VPS13A: variants seen among roughly 807,000 people sequenced by gnomAD.
VPS13A encodes vacuolar protein sorting 13 homolog A, also known as intermembrane lipid transfer protein VPS13A.
A neutral mutation model predicts 390.9 loss-of-function variants in VPS13A; 264 were observed. That is an observed-to-expected ratio of 0.68 (90% CI 0.61 to 0.75). The LOEUF is 0.75. VPS13A is among the 30% of genes least tolerant of loss of function. The pLI is 0.00. For missense variants in VPS13A, 3,409 were observed against 3,733.9 expected, an observed-to-expected ratio of 0.91 and a Z score of 2.27; for synonymous variants, 1,231 against 1,227.1, an observed-to-expected ratio of 1.00 and a Z score of -0.07.
chr9:77,191,452 C>T (rs966827212), intron 1 of VPS13A, among the ~76,000 whole-genome samples: 6 of 151,934 alleles, frequency 3.9e-5, no homozygotes, highest in Admixed American at 3.3e-4. Flanking sequence ...TGCACTCCTA[C>T]ACCTGGCTAA....
At chr9:77,258,244 A>C (rs1176583227) in intron 22 of VPS13A, among the ~76,000 whole-genome samples, 1 of 152,180 alleles carries the variant, frequency 6.6e-6, no homozygotes, top group Non-Finnish European at 1.5e-5. Context: ...CTCATCTAAC[A>C]TCTACCAAAC....
intron 23 of VPS13A, among the ~76,000 whole-genome samples, chr9:77,261,183 A>G (rs12339699): frequency 0.56 from 85,632 of 151,898 alleles, 24,402 homozygotes; most frequent in East Asian, 0.7. Flanking sequence ...ACAGGCGTGA[A>G]CCACCGTGCC....
chr9:77,338,593 T>A (rs1357584329), intron 47 of VPS13A: 1 of 152,142 alleles, frequency 6.6e-6, no homozygotes, highest in East Asian at 1.9e-4. Flanking sequence ...AGACACAGGG[T>A]TGCCATTTAT....
intron 1 of VPS13A, among the ~76,000 whole-genome samples, chr9:77,184,023 C>T (rs922427454): frequency 6.6e-6 from 1 of 152,224 alleles, no homozygotes; most frequent in Non-Finnish European, 1.5e-5. Context: ...CTAAATACTT[C>T]AGCATGTGTA....
intron 1 of VPS13A, among the ~76,000 whole-genome samples, chr9:77,181,815 C>G (rs1302609446): frequency 6.6e-6 from 1 of 152,076 alleles, no homozygotes; most frequent in Non-Finnish European, 1.5e-5. Context: ...TTTCCAAAAA[C>G]CTGTTTAACT....
Position 77,339,806 on chromosome 9 carries a change from C to T in VPS13A, c.6669C>T (p.Arg2223=), listed in dbSNP as rs766266342. The T allele has an allele frequency of 1.2e-6, 2 of 1,613,930 alleles. No individual in the cohort carries two copies. Among genetic ancestry groups the T allele is most frequent in the Non-Finnish European group, 1.7e-6 (2 of 1,179,988 alleles). Residue 2223 remains arginine (R), a synonymous_variant, in exon 48 of 72, where the codon CGC becomes CGT. Transcript: ENST00000360280. ...SPYWMVNKTG[R]MLQYKADGIH... ...ATTGGATGGTCAATAAAACTGGCCG[C>T]ATGTTACAGTACAAAGCAGACGGAA...
intron 46 of VPS13A, among the ~76,000 whole-genome samples, chr9:77,335,845 A>G (rs1046309323): frequency 1.3e-5 from 2 of 152,218 alleles, no homozygotes; most frequent in Non-Finnish European, 2.9e-5. Context: ...CAGCAATCCC[A>G]TTACTGGGTA....
chr9:77,377,319 A>T (rs1300497370), intron 67 of VPS13A, among the ~76,000 whole-genome samples: 1 of 141,608 alleles, frequency 7.1e-6, no homozygotes, highest in Non-Finnish European at 1.5e-5. Context: ...TCCCGGGTTC[A>T]CGCCATTCTC....
chr9:77,212,909 TTAC>T, intron 7 of VPS13A, 57 bp from the exon 8 acceptor site: 8 of 1,547,750 alleles, frequency 5.2e-6, no homozygotes, highest in Non-Finnish European at 7.1e-6. Flanking sequence ...TAATGATTTA[TTAC>T]TCTGCTGTTT....
At chr9:77,258,846 G>T (rs147411729) in intron 22 of VPS13A, among the ~76,000 whole-genome samples, 2 of 151,984 alleles carry the variant, frequency 1.3e-5, no homozygotes, top group African/African-American at 2.4e-5. Flanking sequence ...TTTTCTTCTT[G>T]GTAAGTATGC....
chr9:77,254,944 GTTAA>G (rs937357383), intron 22 of VPS13A, among the ~76,000 whole-genome samples: 123 of 152,232 alleles, frequency 8.1e-4, no homozygotes, highest in African/African-American at 2.7e-3. Flanking sequence ...TGTGTATGGA[GTTAA>G]TTTTTTTCCC....
At chr9:77,295,278 G>A (rs575424960) in intron 32 of VPS13A, among the ~76,000 whole-genome samples, 26 of 152,272 alleles carry the variant, frequency 1.7e-4, no homozygotes, top group African/African-American at 5.8e-4. Flanking sequence ...GATAAGGGAA[G>A]TAGATATCTG....
rs73654012 is a variant in VPS13A at position 77,321,718 on chromosome 9, A to G, written c.5802A>G (p.Leu1934=). Residue 1934 remains leucine (L), a synonymous_variant, in exon 44 of 72, where the codon CTA becomes CTG. Coordinates refer to ENST00000360280, the MANE Select transcript of VPS13A (RefSeq NM_033305.3). ...DNDHFNAMTS[L]SSKLFFILLT... is the part of the protein sequence containing the mutation. ...ATCATTTCAATGCAATGACCAGCCT[A>G]AGCAGCAAACTCTTCTTCATTCTTC... 2.2e-3 allele frequency: 3,500 copies of G among 1,613,250 alleles called. 63 individuals carry two copies. In the African/African-American group the frequency reaches 0.042, roughly 19 times the overall value.
rs376204167 is a variant in VPS13A, at chr9:77,267,554, G to A, written c.2428-5726G>A. On this transcript the variant is annotated intron_variant, in intron 23 of 71. Transcript: ENST00000360280. ...TCCTCTGGAAGCTTCGTCCCAGAGG[G>A]GCACATGCCAGATGCCAGCCAGAGC... is the stretch of plus-strand genomic sequence containing the variant. 1.3e-4 allele frequency among the ~76,000 whole-genome samples: 20 copies of A among 152,278 alleles called. No homozygotes were observed. In the East Asian group the frequency reaches 2.9e-3, roughly 22 times the overall value.
At chr9:77,408,975 C>G (rs1475747218) in intron 71 of VPS13A, among the ~76,000 whole-genome samples, 6 of 152,228 alleles carry the variant, frequency 3.9e-5, no homozygotes, top group Non-Finnish European at 8.8e-5. Context: ...AGCTGGACAT[C>G]TGAGAATGGA....
chr9:77,333,431 T>C (rs972561502), intron 46 of VPS13A, among the ~76,000 whole-genome samples: 1 of 147,580 alleles, frequency 6.8e-6, no homozygotes, highest in Non-Finnish European at 1.5e-5. Flanking sequence ...TAGGCATTTT[T>C]TTTTTTTTTT....
rs1274383795 is a variant in VPS13A at position 77,366,791 on chromosome 9, G to A, written c.8390G>A (p.Gly2797Glu). 1.2e-6 allele frequency: 2 copies of A among 1,613,132 alleles called. No individual in the cohort carries two copies. The highest frequency in any genetic ancestry group is 2.7e-5 in the African/African-American group (2 of 74,878). The change falls in exon 61 of 72, where the codon GGA (glycine) becomes GAA (glutamate). Residue 2797 changes from glycine to glutamate, a missense_variant. Gly to Glu is a moderately conservative substitution (Grantham distance 98, BLOSUM62 -2). Coordinates refer to ENST00000360280, the MANE Select transcript of VPS13A (RefSeq NM_033305.3). ...GCTAAAGATTCAAAACAAAATGGAG[G>A]ACTGATTCCAGTTCATTCTTTAAAT... ...EEAKDSKQNG[G>E]LIPVHSLNLL...
chr9:77,245,101 G>T (rs1037264406), intron 19 of VPS13A, among the ~76,000 whole-genome samples: 2 of 152,100 alleles, frequency 1.3e-5, no homozygotes, highest in Admixed American at 1.3e-4. Flanking sequence ...AAGCAGTTAG[G>T]ATTTTGTTGT....
chr9:77,379,483 G>T (rs1833313536), intron 67 of VPS13A, among the ~76,000 whole-genome samples: 1 of 152,002 alleles, frequency 6.6e-6, no homozygotes, highest in African/African-American at 2.4e-5. Flanking sequence ...CAGGTGATCT[G>T]CCCGCCTTGG....
Sources: allele counts gnomAD v4.1 joint callset (sites outside exome capture counted in the v4.1 genomes callset), GRCh38; gene constraint gnomAD v4.1.1; transcripts MANE v1.5; gene names NCBI Gene and HGNC (gene_info 2026-07-23, HGNC 2026-07-21).